WNT9A: variants seen among roughly 807,000 people sequenced by gnomAD.
WNT9A encodes protein Wnt-9a.
Under a neutral mutation model 31.4 loss-of-function variants are expected in WNT9A, and 8 were observed. The observed-to-expected ratio is 0.26, with a 90% CI of 0.15 to 0.46. WNT9A has a LOEUF of 0.46. WNT9A is among the 20% of genes least tolerant of loss of function. The probability of loss-of-function intolerance (pLI) is 0.99; values close to 1 mark genes in which losing one functional copy is unlikely to be tolerated. For missense variants in WNT9A, 457 were observed against 522.9 expected, an observed-to-expected ratio of 0.87 and a Z score of 1.23; for synonymous variants, 236 against 220.1, an observed-to-expected ratio of 1.07 and a Z score of -0.64.
At chr1:227,939,520 A>G (rs1490284057) in intron 1 of WNT9A, among the ~76,000 whole-genome samples, 1 of 152,112 alleles carries the variant, frequency 6.6e-6, no homozygotes, top group Non-Finnish European at 1.5e-5. Flanking sequence ...GTCCCCAGAG[A>G]GAACCTGAAA....
chr1:227,933,817 C>T (rs1325363239), intron 1 of WNT9A, among the ~76,000 whole-genome samples: 1 of 152,082 alleles, frequency 6.6e-6, no homozygotes, highest in African/African-American at 2.4e-5. Context: ...TGTGAATTCA[C>T]CGATATGGGC....
rs191787635 is a variant in WNT9A, at chr1:227,931,794, G to A, written c.96-6275C>T. 5.1e-3 allele frequency among the ~76,000 whole-genome samples: 783 copies of A among 152,118 alleles called. 3 individuals carry two copies. The highest frequency in any genetic ancestry group is 8.5e-3 in the Non-Finnish European group (575 of 68,018). ...AGCTTCACTGAGTTGTCATCTTTTC[G>A]CTGGGGGAGGGTCTTGCCTCCATGC... On this transcript the variant is annotated intron_variant, in intron 1 of 3. Transcript: ENST00000272164.
intron 1 of WNT9A, among the ~76,000 whole-genome samples, chr1:227,943,916 G>C (rs1040582821): frequency 6.6e-6 from 1 of 152,168 alleles, no homozygotes; most frequent in Non-Finnish European, 1.5e-5. Flanking sequence ...CTGAGGTGGA[G>C]GCAGCAATGA....
At chr1:227,945,209 G>A (rs1666775799) in intron 1 of WNT9A, among the ~76,000 whole-genome samples, 1 of 152,232 alleles carries the variant, frequency 6.6e-6, no homozygotes, top group Admixed American at 6.5e-5. Flanking sequence ...TGGGGAGAGG[G>A]TCTGAGTCTG....
intron 1 of WNT9A, among the ~76,000 whole-genome samples, chr1:227,941,428 G>A (rs779480230): frequency 1.2e-4 from 18 of 151,576 alleles, no homozygotes; most frequent in South Asian, 2.1e-4. Context: ...GAGACCCCAC[G>A]GGAACCCTCC....
intron 1 of WNT9A, among the ~76,000 whole-genome samples, chr1:227,927,179 C>T (rs1389354176): frequency 1.3e-5 from 2 of 152,186 alleles, no homozygotes; most frequent in Non-Finnish European, 2.9e-5. Context: ...CAACGGCCCC[C>T]ATCAGTCAGT....
chr1:227,942,816 AC>A lies in WNT9A; in HGVS notation c.95+4976del, dbSNP rs1666729474. On this transcript the variant is annotated intron_variant, in intron 1 of 3. Transcript: ENST00000272164. The surrounding 1 kb of genome is among the most constrained non-coding windows in gnomAD (Gnocchi z 5.7). Reference sequence around the variant, plus strand: ...AGCCTGAGCTCTCAGCTGCTCCCAAACCCCCCGGCCCACAGTGCTCAGAGCA... The same window carrying A: ...AGCCTGAGCTCTCAGCTGCTCCCAAACCCCCGGCCCACAGTGCTCAGAGCA... Among the ~76,000 whole-genome samples, 1 of 149,756 alleles carries A rather than the reference AC, an allele frequency of 6.7e-6. No individual in the cohort carries two copies. The highest frequency in any genetic ancestry group is 1.5e-5 in the Non-Finnish European group (1 of 67,354).
At chr1:227,939,738 A>C (rs537118461) in intron 1 of WNT9A, among the ~76,000 whole-genome samples, 1 of 152,060 alleles carries the variant, frequency 6.6e-6, no homozygotes, top group Non-Finnish European at 1.5e-5. Flanking sequence ...AAGAGACTGC[A>C]GTTCCAGAAG....
intron 1 of WNT9A, among the ~76,000 whole-genome samples, chr1:227,936,524 G>A (rs771134328): frequency 7.2e-5 from 11 of 152,078 alleles, no homozygotes; most frequent in Non-Finnish European, 1.3e-4. Context: ...TAGTAGAGAC[G>A]GGGTTTCACC....
chr1:227,944,359 G>A (rs1666762688), intron 1 of WNT9A, among the ~76,000 whole-genome samples: 1 of 152,220 alleles, frequency 6.6e-6, no homozygotes, highest in Admixed American at 6.5e-5. Flanking sequence ...GCCAGGGACT[G>A]GGGGAGGGGA....
chr1:227,937,735 G>T (rs80096292), intron 1 of WNT9A, among the ~76,000 whole-genome samples: 11,067 of 152,338 alleles, frequency 0.073, 506 homozygotes, highest in South Asian at 0.12. Flanking sequence ...GCATGGCCCT[G>T]CGGACGCCGT....
At chr1:227,947,340 G>A (rs1027966284) in intron 1 of WNT9A, among the ~76,000 whole-genome samples, 17 of 152,178 alleles carry the variant, frequency 1.1e-4, no homozygotes, top group African/African-American at 3.4e-4. Context: ...TCAGCGCGAG[G>A]AACATCTGGA....
At chr1:227,931,954 C>T (rs1666519380) in intron 1 of WNT9A, among the ~76,000 whole-genome samples, 1 of 151,668 alleles carries the variant, frequency 6.6e-6, no homozygotes. Context: ...AACTCCTGAC[C>T]TCTTGATCCG....
chr1:227,937,927 C>G (rs1011829598), intron 1 of WNT9A, among the ~76,000 whole-genome samples: 6 of 152,214 alleles, frequency 3.9e-5, no homozygotes, highest in African/African-American at 4.8e-5. Context: ...ACCCAAAACC[C>G]AGCATGAGGC....
rs1666727642 is a variant in WNT9A at position 227,942,722 on chromosome 1, A to G, written c.95+5071T>C. On this transcript the variant is annotated intron_variant, in intron 1 of 3. Coordinates refer to ENST00000272164, the MANE Select transcript of WNT9A (RefSeq NM_003395.4). This position sits in a 1 kb window ranked among gnomAD's most constrained non-coding sequence, Gnocchi z 5.7. ...GCCTTTCTTCCTGATGCCAGGCCCCACATGCTTCCTGGGGTGTCCTAAGTT... is the reference window on the plus strand; with the variant it reads ...GCCTTTCTTCCTGATGCCAGGCCCCGCATGCTTCCTGGGGTGTCCTAAGTT... Among the ~76,000 whole-genome samples the G allele has an allele frequency of 6.6e-6, 1 of 151,916 alleles. No individual in the cohort carries two copies. The highest frequency in any genetic ancestry group is 1.5e-5 in the Non-Finnish European group (1 of 67,938).
intron 1 of WNT9A, among the ~76,000 whole-genome samples, chr1:227,937,538 C>G (rs975037526): frequency 6.6e-6 from 1 of 152,212 alleles, no homozygotes; most frequent in Non-Finnish European, 1.5e-5. Flanking sequence ...ATGGTGGGCT[C>G]TTTAGAGCCA....
Position 227,928,003 on chromosome 1 carries a change from G to A in WNT9A, c.96-2484C>T, listed in dbSNP as rs1325571081. Among the ~76,000 whole-genome samples the A allele has an allele frequency of 2.0e-5, 3 of 151,914 alleles. No homozygotes were observed. The highest frequency in any genetic ancestry group is 7.3e-5 in the African/African-American group (3 of 41,354). ...AGAGGGCAGGGGAGGAGGAGGAGGG[G>A]GAGAAGCCCCATCTACCAGAGCCAC... is the stretch of plus-strand genomic sequence containing the variant. On this transcript the variant is annotated intron_variant, in intron 1 of 3. Coordinates refer to ENST00000272164, the MANE Select transcript of WNT9A (RefSeq NM_003395.4). This position sits in a 1 kb window ranked among gnomAD's most constrained non-coding sequence, Gnocchi z 4.5.
chr1:227,933,142 T>C (rs1234996072), intron 1 of WNT9A, among the ~76,000 whole-genome samples: 3 of 152,244 alleles, frequency 2.0e-5, no homozygotes, highest in Non-Finnish European at 4.4e-5. Flanking sequence ...AGATCTGTTG[T>C]TACTGTGGCC....
At chr1:227,930,383 T>C (rs2313118) in intron 1 of WNT9A, among the ~76,000 whole-genome samples, 82,636 of 152,062 alleles carry the variant, frequency 0.54, 22,814 homozygotes, top group African/African-American at 0.65. Context: ...TTCTTCCCCA[T>C]ACAGCTGTGA....
Sources: allele counts gnomAD v4.1 joint callset (sites outside exome capture counted in the v4.1 genomes callset), GRCh38; gene constraint gnomAD v4.1.1; non-coding constraint Gnocchi (gnomAD v3.1); transcripts MANE v1.5; gene names NCBI Gene and HGNC (gene_info 2026-07-23, HGNC 2026-07-21).